LRRN1: variants seen among roughly 807,000 people sequenced by gnomAD.
LRRN1 encodes the protein leucine rich repeat neuronal 1.
Under a neutral mutation model 45.8 loss-of-function variants are expected in LRRN1, and 14 were observed. The observed-to-expected ratio is 0.31, with a 90% CI of 0.20 to 0.48. The LOEUF (loss-of-function observed/expected upper bound fraction) is 0.48, where lower values mean the gene tolerates loss of function less well. Ranked by LOEUF, LRRN1 falls within the 20% of genes least tolerant of loss-of-function variation. The probability of loss-of-function intolerance (pLI) is 0.99; values close to 1 mark genes in which losing one functional copy is unlikely to be tolerated. For synonymous variants in LRRN1, 359 were observed against 330.1 expected, an observed-to-expected ratio of 1.09 and a Z score of -0.95; for missense variants, 789 against 874.2, an observed-to-expected ratio of 0.90 and a Z score of 1.23.
At chr3:3,834,536 A>ATATATATATATATATAT (rs1306209541) in intron 1 of LRRN1, among the ~76,000 whole-genome samples, 2 of 109,132 alleles carry the variant, frequency 1.8e-5, no homozygotes, top group Non-Finnish European at 3.8e-5. Flanking sequence ...ATATATATAT[A>ATATATATATATATATAT]TATATATATA....
At chr3:3,828,818 GT>G (rs903371546) in intron 1 of LRRN1, among the ~76,000 whole-genome samples, 1 of 152,162 alleles carries the variant, frequency 6.6e-6, no homozygotes, top group African/African-American at 2.4e-5. Flanking sequence ...GCACAAACGT[GT>G]TTTTAACAAG....
intron 1 of LRRN1, among the ~76,000 whole-genome samples, chr3:3,836,913 G>T (rs963265352): frequency 5.9e-5 from 9 of 152,162 alleles, no homozygotes; most frequent in African/African-American, 2.2e-4. Flanking sequence ...GATGGTATCT[G>T]CTGTGTACCT....
At chr3:3,815,629 ACTT>A (rs1559287540) in intron 1 of LRRN1, among the ~76,000 whole-genome samples, 1 of 152,174 alleles carries the variant, frequency 6.6e-6, no homozygotes, top group Non-Finnish European at 1.5e-5. Context: ...ATAGCATACT[ACTT>A]AATGTTGCTT....
At chr3:3,825,784 A>C (rs1693202914) in intron 1 of LRRN1, among the ~76,000 whole-genome samples, 1 of 152,192 alleles carries the variant, frequency 6.6e-6, no homozygotes, top group Non-Finnish European at 1.5e-5. Flanking sequence ...TAAAGCACTA[A>C]AGAAGTTTTC....
chr3:3,849,411 AG>A lies in LRRN1; in HGVS notation c.*2620del, dbSNP rs778220912. ...GCTAATGAGCTGATTTTCAGCTGAT[AG>A]AAAACAAAATGATAGAGTACTTTTT... On this transcript the variant is annotated 3_prime_UTR_variant, in exon 2 of 2. Coordinates refer to ENST00000319331, the MANE Select transcript of LRRN1 (RefSeq NM_020873.7). Among the ~76,000 whole-genome samples, 25 of 152,342 alleles carry A rather than the reference AG, an allele frequency of 1.6e-4. 6 individuals are homozygous for A. The highest frequency in any genetic ancestry group is 2.6e-4 in the Admixed American group (4 of 15,310).
chr3:3,812,699 T>C (rs1056972221), intron 1 of LRRN1, among the ~76,000 whole-genome samples: 3 of 152,108 alleles, frequency 2.0e-5, no homozygotes, highest in African/African-American at 7.2e-5. Flanking sequence ...GGCATGTCAT[T>C]GTCTTACATG....
At position 3,821,979 on chromosome 3, in the gene LRRN1, T is replaced by C. The variant is rs909957634; in HGVS notation, c.-279+22060T>C. On this transcript the variant is annotated intron_variant, in intron 1 of 1. Coordinates refer to ENST00000319331, the MANE Select transcript of LRRN1 (RefSeq NM_020873.7). ...GAGATGCACACTCTCATATGGCATA[T>C]TGAAATATTGGCAAGGAGTCTCCCT... 3.9e-5 allele frequency among the ~76,000 whole-genome samples: 6 copies of C among 152,140 alleles called. No individual in the cohort carries two copies. The East Asian group carries it at 9.6e-4, about 24-fold the overall frequency.
At chr3:3,830,051 T>G (rs2083959) in intron 1 of LRRN1, among the ~76,000 whole-genome samples, 142,485 of 152,214 alleles carry the variant, frequency 0.94, 67,405 homozygotes, top group East Asian at 1. Flanking sequence ...GAGCCCATGT[T>G]TAACCTATAT....
intron 1 of LRRN1, among the ~76,000 whole-genome samples, chr3:3,818,370 G>A (rs577169197): frequency 2.5e-4 from 38 of 152,168 alleles, no homozygotes; most frequent in Non-Finnish European, 4.9e-4. Flanking sequence ...TGCTGGTGCT[G>A]AAAAGGAGCA....
intron 1 of LRRN1, among the ~76,000 whole-genome samples, chr3:3,842,142 T>A (rs530244780): frequency 2.0e-5 from 3 of 152,266 alleles, no homozygotes; most frequent in Non-Finnish European, 4.4e-5. Flanking sequence ...AACATAAGGG[T>A]ATAGTAAAAA....
intron 1 of LRRN1, among the ~76,000 whole-genome samples, chr3:3,832,782 T>C (rs1693398783): frequency 6.6e-6 from 1 of 152,200 alleles, no homozygotes; most frequent in African/African-American, 2.4e-5. Flanking sequence ...ATAATTCAAA[T>C]TAGTATTTTG....
chr3:3,832,816 G>C (rs1693399504), intron 1 of LRRN1, among the ~76,000 whole-genome samples: 1 of 152,146 alleles, frequency 6.6e-6, no homozygotes, highest in Non-Finnish European at 1.5e-5. Context: ...GAAGTTTTCT[G>C]TTTGTGTAAT....
chr3:3,835,902 G>T (rs1200682058), intron 1 of LRRN1, among the ~76,000 whole-genome samples: 1 of 151,624 alleles, frequency 6.6e-6, no homozygotes, highest in Non-Finnish European at 1.5e-5. Context: ...ATGTATAATT[G>T]TTTGTGGGAC....
In LRRN1 at chr3:3,849,178, T is replaced by A. The variant is rs554778637; in HGVS notation, c.*2386T>A. 6.6e-6 allele frequency among the ~76,000 whole-genome samples: 1 copy of A among 152,256 alleles called. No individual in the cohort carries two copies. Among genetic ancestry groups the A allele is most frequent in the East Asian group, 1.9e-4 (1 of 5,174 alleles). ...TTTCATTCGGCCCATAAAGCAAACATTTGAACTTACACAGAATGAGCACTT... is the reference window on the plus strand; with the variant it reads ...TTTCATTCGGCCCATAAAGCAAACAATTGAACTTACACAGAATGAGCACTT... On this transcript the variant is annotated 3_prime_UTR_variant, in exon 2 of 2. Coordinates refer to ENST00000319331, the MANE Select transcript of LRRN1 (RefSeq NM_020873.7).
chr3:3,825,129 T>G (rs2106460447), intron 1 of LRRN1, among the ~76,000 whole-genome samples: 1 of 152,012 alleles, frequency 6.6e-6, no homozygotes, highest in South Asian at 2.1e-4. Flanking sequence ...GGCTTTTGGC[T>G]TTTCATTTTT....
In LRRN1 at chr3:3,849,424, A is replaced by G. The variant is rs1286767028; in HGVS notation, c.*2632A>G. 6.6e-6 allele frequency among the ~76,000 whole-genome samples: 1 copy of G among 152,204 alleles called. No homozygotes were observed. The highest frequency in any genetic ancestry group is 1.9e-4 in the East Asian group (1 of 5,202). On this transcript the variant is annotated 3_prime_UTR_variant, in exon 2 of 2. Transcript: ENST00000319331. ...TTTTCAGCTGATAGAAAACAAAATG[A>G]TAGAGTACTTTTTTCCTTGGCCAAG... is the stretch of plus-strand genomic sequence containing the variant.
intron 1 of LRRN1, among the ~76,000 whole-genome samples, chr3:3,824,444 A>G (rs911991131): frequency 6.6e-6 from 1 of 152,124 alleles, no homozygotes; most frequent in African/African-American, 2.4e-5. Context: ...TATACATGCA[A>G]TTTGGCTGTG....
chr3:3,845,098 A>G lies in LRRN1; in HGVS notation c.457A>G (p.Asn153Asp), dbSNP rs1693734710. 1 of 1,614,038 alleles carries G rather than the reference A, an allele frequency of 6.2e-7. No individual in the cohort carries two copies. The highest frequency in any genetic ancestry group is 8.5e-7 in the Non-Finnish European group (1 of 1,180,022). ...CCTTCAAGAACTCTACATCAACCAC[A>G]ACCAAATTAGCACTATTTCTGCTCA... is the stretch of plus-strand genomic sequence containing the variant. ...SNLQELYINH[N>D]QISTISAHAF... Residue 153 changes from asparagine (N) to aspartate (D), a missense_variant, in exon 2 of 2, where the codon AAC becomes GAC. Transcript: ENST00000319331. This position sits in a 1 kb window ranked among gnomAD's most constrained non-coding sequence, Gnocchi z 6.5.
At chr3:3,800,542 GAC>G (rs1692625370) in intron 1 of LRRN1, among the ~76,000 whole-genome samples, 5 of 152,104 alleles carry the variant, frequency 3.3e-5, no homozygotes, top group Non-Finnish European at 4.4e-5. Context: ...TCCACGCGGG[GAC>G]AGACCTCAGC....
Sources: allele counts gnomAD v4.1 joint callset (sites outside exome capture counted in the v4.1 genomes callset), GRCh38; gene constraint gnomAD v4.1.1; non-coding constraint Gnocchi (gnomAD v3.1); transcripts MANE v1.5; gene names NCBI Gene and HGNC (gene_info 2026-07-23, HGNC 2026-07-21).